Variants in BBX observed in about 807,000 individuals in gnomAD.
BBX encodes HMG box transcription factor BBX.
In BBX, 30 loss-of-function variants were observed where a neutral mutation model predicts 100.2. That is an observed-to-expected ratio of 0.30 (90% confidence interval 0.22 to 0.41). The LOEUF (loss-of-function observed/expected upper bound fraction) is 0.41, where lower values mean the gene tolerates loss of function less well. Among genes scored for constraint, BBX ranks in the 10% least tolerant of loss-of-function variants. The pLI, the probability that BBX is intolerant of heterozygous loss-of-function variation, is 1.00. For synonymous variants in BBX, 376 were observed against 388.1 expected (o/e 0.97, Z 0.37); for missense variants, 1,023 against 1,129.8 (o/e 0.91, Z 1.35).
chr3:107,588,755 T>TG (rs1015094050), intron 2 of BBX, among the ~76,000 whole-genome samples: 1 of 152,154 alleles, frequency 6.6e-6, no homozygotes, highest in Non-Finnish European at 1.5e-5. Flanking sequence ...TAAAAAAGAA[T>TG]GGGGTAAAAA....
At chr3:107,725,647 C>T (rs1049257148) in intron 5 of BBX, among the ~76,000 whole-genome samples, 1 of 151,948 alleles carries the variant, frequency 6.6e-6, no homozygotes, top group Non-Finnish European at 1.5e-5. Flanking sequence ...GTATTTGATG[C>T]CAATGCTAAA....
chr3:107,583,881 A>G (rs1470732477), intron 2 of BBX, among the ~76,000 whole-genome samples: 1 of 128,926 alleles, frequency 7.8e-6, no homozygotes, highest in Non-Finnish European at 1.6e-5. Context: ...ATTATACTTT[A>G]TATATATTAT....
chr3:107,671,591 G>GT (rs1483687016), intron 3 of BBX, among the ~76,000 whole-genome samples: 1 of 152,080 alleles, frequency 6.6e-6, no homozygotes, highest in Non-Finnish European at 1.5e-5. Flanking sequence ...ACTGAAGAAA[G>GT]TCAATTCGAA....
chr3:107,770,231 T>G (rs1400314237), intron 10 of BBX, among the ~76,000 whole-genome samples: 1 of 152,188 alleles, frequency 6.6e-6, no homozygotes, highest in Non-Finnish European at 1.5e-5. Flanking sequence ...TTGCAAAATA[T>G]TATTAAGTTT....
chr3:107,640,254 GA>G (rs562073288), intron 2 of BBX, among the ~76,000 whole-genome samples: 1 of 152,076 alleles, frequency 6.6e-6, no homozygotes, highest in Non-Finnish European at 1.5e-5. Flanking sequence ...ACTATGGAGA[GA>G]AAAAAGAGCA....
intron 2 of BBX, among the ~76,000 whole-genome samples, chr3:107,632,038 C>A (rs772122886): frequency 2.6e-5 from 4 of 152,040 alleles, no homozygotes; most frequent in Non-Finnish European, 5.9e-5. Context: ...AATTTCAGAT[C>A]CTAGTGGGAA....
At chr3:107,754,735 C>G (rs911891524) in intron 9 of BBX, among the ~76,000 whole-genome samples, 2 of 152,156 alleles carry the variant, frequency 1.3e-5, no homozygotes, top group African/African-American at 4.8e-5. Flanking sequence ...AGAAAGAATT[C>G]AGAATCACAA....
At chr3:107,654,679 G>T (rs1220356348) in intron 3 of BBX, among the ~76,000 whole-genome samples, 5 of 152,026 alleles carry the variant, frequency 3.3e-5, no homozygotes, top group Non-Finnish European at 5.9e-5. Context: ...ATATGTTTTT[G>T]TTTTGTTTTG....
At chr3:107,762,378 G>T (rs1241995909) in intron 10 of BBX, among the ~76,000 whole-genome samples, 1 of 152,208 alleles carries the variant, frequency 6.6e-6, no homozygotes, top group East Asian at 1.9e-4. Flanking sequence ...CCAGATTTTA[G>T]TGTTGAGAGA....
intron 2 of BBX, among the ~76,000 whole-genome samples, chr3:107,550,948 C>T (rs2049619997): frequency 6.6e-6 from 1 of 152,120 alleles, no homozygotes; most frequent in African/African-American, 2.4e-5. Context: ...TTGAATGCCT[C>T]CTTTTGCTAT....
chr3:107,601,960 G>A (rs1320101972), intron 2 of BBX, among the ~76,000 whole-genome samples: 3 of 152,168 alleles, frequency 2.0e-5, no homozygotes, highest in Non-Finnish European at 2.9e-5. Flanking sequence ...ATAAGATAAA[G>A]CCATTGCTCA....
At chr3:107,659,061 T>TATTAAACAAATATA in intron 3 of BBX, among the ~76,000 whole-genome samples, 1 of 152,096 alleles carries the variant, frequency 6.6e-6, no homozygotes, top group Non-Finnish European at 1.5e-5. Context: ...CTACTTTCCA[T>TATTAAACAAATATA]TTGTTTAAAT....
chr3:107,639,336 G>T (rs1162509257), intron 2 of BBX, among the ~76,000 whole-genome samples: 1 of 152,164 alleles, frequency 6.6e-6, no homozygotes, highest in African/African-American at 2.4e-5. Context: ...GAAGGTGCAG[G>T]CTGATGCCTA....
chr3:107,773,611 C>G lies in BBX; in HGVS notation c.1890C>G (p.Thr630=). The G allele has an allele frequency of 6.2e-7, 1 of 1,612,178 alleles. No individual in the cohort carries two copies. Among genetic ancestry groups the G allele is most frequent in the Admixed American group, 1.7e-5 (1 of 59,700 alleles). ...CCCTGGTGTCTGAGGGCATGCTCACCTCTCTGCGAGCTAATGTTGACAGAG... is the reference window on the plus strand; with the variant it reads ...CCCTGGTGTCTGAGGGCATGCTCACGTCTCTGCGAGCTAATGTTGACAGAG... ...YKTLVSEGML[T]SLRANVDRGK... The change falls in exon 11 of 18, where the codon ACC becomes ACG. Residue 630 remains threonine, a synonymous_variant. Coordinates refer to ENST00000325805, the MANE Select transcript of BBX (RefSeq NM_001142568.3). This position sits in a 1 kb window ranked among gnomAD's most constrained non-coding sequence, Gnocchi z 4.1.
intron 3 of BBX, among the ~76,000 whole-genome samples, chr3:107,709,267 A>G (rs1472555296): frequency 6.6e-6 from 1 of 152,224 alleles, no homozygotes. Flanking sequence ...TTTTTGAAGT[A>G]AGGAAGACCT....
intron 2 of BBX, among the ~76,000 whole-genome samples, chr3:107,552,469 A>T (rs1016967365): frequency 3.9e-5 from 6 of 152,076 alleles, no homozygotes; most frequent in African/African-American, 1.4e-4. Flanking sequence ...TTAAATGGAT[A>T]ACCACAGAAA....
At chr3:107,750,028 C>T (rs1183005427) in intron 9 of BBX, among the ~76,000 whole-genome samples, 2 of 152,152 alleles carry the variant, frequency 1.3e-5, no homozygotes, top group Non-Finnish European at 2.9e-5. Flanking sequence ...GGTGTAATAG[C>T]CACCATCCTG....
At chr3:107,749,597 C>T (rs757286386) in intron 9 of BBX, among the ~76,000 whole-genome samples, 3 of 151,766 alleles carry the variant, frequency 2.0e-5, no homozygotes, top group Non-Finnish European at 4.4e-5. Context: ...TGGTTCTAAC[C>T]GTTATCACCG....
At chr3:107,687,103 T>C (rs1004999902) in intron 3 of BBX, among the ~76,000 whole-genome samples, 5 of 152,176 alleles carry the variant, frequency 3.3e-5, no homozygotes, top group African/African-American at 9.7e-5. Flanking sequence ...ATTTTTTCCT[T>C]AGTACAGAAT....
Sources: allele counts gnomAD v4.1 joint callset (sites outside exome capture counted in the v4.1 genomes callset), GRCh38; gene constraint gnomAD v4.1.1; non-coding constraint Gnocchi (gnomAD v3.1); transcripts MANE v1.5; gene names NCBI Gene and HGNC (gene_info 2026-07-23, HGNC 2026-07-21).